TENM4: variants seen among roughly 807,000 people sequenced by gnomAD.
The protein encoded by TENM4 is teneurin transmembrane protein 4, also known as teneurin-4.
A neutral mutation model predicts 243.3 loss-of-function variants in TENM4; 82 were observed. The observed-to-expected ratio is 0.34, with a 90% CI of 0.28 to 0.40. TENM4 has a LOEUF of 0.40. Among genes scored for constraint, TENM4 ranks in the 10% least tolerant of loss-of-function variants. The pLI, the probability that TENM4 is intolerant of heterozygous loss-of-function variation, is 1.00. For missense variants in TENM4, 3,138 were observed against 3,673.3 expected, an observed-to-expected ratio of 0.85 and a Z score of 3.77; for synonymous variants, 1,412 against 1,456.3, an observed-to-expected ratio of 0.97 and a Z score of 0.69.
chr11:78,675,904 C>T (rs1858455976), intron 30 of TENM4, among the ~76,000 whole-genome samples: 1 of 152,278 alleles, frequency 6.6e-6, no homozygotes, highest in African/African-American at 2.4e-5. Context: ...TGTCCAAGCT[C>T]ACTCAGGGAA....
Position 78,672,189 on chromosome 11 carries a change from C to T in TENM4, c.5637G>A (p.Arg1879=). Residue 1879 remains arginine, a synonymous_variant, in exon 31 of 34, where the codon AGG becomes AGA. Coordinates refer to ENST00000278550, the MANE Select transcript of TENM4 (RefSeq NM_001098816.3). ...AGTATGTCACGTTGACACCATTCAG[C>T]CTGCTGCTGGGTGACCAGAGGCTGG... ...GRPSLWSPSS[R]LNGVNVTYSP... 6.2e-7 allele frequency: 1 copy of T among 1,614,018 alleles called. No individual in the cohort carries two copies. The highest frequency in any genetic ancestry group is 1.6e-4 in the Middle Eastern group (1 of 6,062).
In TENM4 at chr11:78,994,732, G is replaced by A. The variant is rs887207658; in HGVS notation, c.493+70006C>T. Among the ~76,000 whole-genome samples, 6 of 152,242 alleles carry A rather than the reference G, an allele frequency of 3.9e-5. No homozygotes were observed. The East Asian group carries it at 5.8e-4, about 15-fold the overall frequency. ...AGACTAGGGAAGATACAGACATAAGGCAATAAATGAAGAGACACCTCTCAG... is the reference window on the plus strand; with the variant it reads ...AGACTAGGGAAGATACAGACATAAGACAATAAATGAAGAGACACCTCTCAG... On this transcript the variant is annotated intron_variant, in intron 6 of 33. Coordinates refer to ENST00000278550, the MANE Select transcript of TENM4 (RefSeq NM_001098816.3).
chr11:79,076,234 C>T (rs2137016471), intron 4 of TENM4: 1 of 152,322 alleles, frequency 6.6e-6, no homozygotes, highest in East Asian at 1.9e-4. Flanking sequence ...CAGTAAAGGA[C>T]AGGGCTGAGA....
intron 18 of TENM4, among the ~76,000 whole-genome samples, chr11:78,770,590 C>A (rs1484032704): frequency 6.6e-6 from 1 of 152,190 alleles, no homozygotes; most frequent in Non-Finnish European, 1.5e-5. Context: ...GGTAACTCAA[C>A]CTCCTTCCCT....
At chr11:79,359,602 AGTCTC>A (rs1857557084) in intron 1 of TENM4, among the ~76,000 whole-genome samples, 1 of 152,190 alleles carries the variant, frequency 6.6e-6, no homozygotes, top group Non-Finnish European at 1.5e-5. Context: ...AAAGCATAAA[AGTCTC>A]ATAAAAATTA....
At position 79,138,430 on chromosome 11, in the gene TENM4, TA is replaced by T. The variant is rs1380366676; in HGVS notation, c.-66+10279del. ...AATAAAATATATATTATATTATATA[TA>T]AATATATATTATATTTATATATAAT... On this transcript the variant is annotated intron_variant, in intron 4 of 33. Transcript: ENST00000278550. Among the ~76,000 whole-genome samples the T allele has an allele frequency of 5.2e-5, 6 of 115,856 alleles. No individual in the cohort carries two copies. In the Admixed American group the frequency reaches 5.6e-4, roughly 11 times the overall value. The allele number at this position is 115,856 out of a possible 152,430, so 76.0% of individuals were successfully genotyped here.
At chr11:79,059,545 A>T (rs1163494458) in intron 6 of TENM4, among the ~76,000 whole-genome samples, 2 of 152,236 alleles carry the variant, frequency 1.3e-5, no homozygotes, top group Non-Finnish European at 2.9e-5. Flanking sequence ...TCACGGCAAC[A>T]CTTCAAGGAA....
chr11:78,957,562 G>C (rs1374830123), intron 6 of TENM4, among the ~76,000 whole-genome samples: 1 of 152,114 alleles, frequency 6.6e-6, no homozygotes, highest in Non-Finnish European at 1.5e-5. Context: ...CATTTAGAAA[G>C]AAAAATAAAC....
At chr11:78,695,220 A>AT (rs879902594) in intron 28 of TENM4, among the ~76,000 whole-genome samples, 103 of 151,220 alleles carry the variant, frequency 6.8e-4, no homozygotes, top group African/African-American at 2.3e-3. Context: ...AGCTAATTAA[A>AT]TTTTTTTTTG....
intron 6 of TENM4, among the ~76,000 whole-genome samples, chr11:78,973,345 T>C (rs939563662): frequency 3.9e-5 from 6 of 152,264 alleles, no homozygotes; most frequent in African/African-American, 1.4e-4. Flanking sequence ...CTTGTTATTA[T>C]CTGACTTTTT....
chr11:78,701,542 A>G lies in TENM4; in HGVS notation c.5071T>C (p.Trp1691Arg). ...AGTACTTACTCATAAAATGTTGTCC[A>G]TCCGTTTTCATTGCTTTTGGTTGCC... ...LLATKSNENGWTTFYEYDSFG... is the reference protein window; with the variant it reads ...LLATKSNENGRTTFYEYDSFG... The change falls in exon 28 of 34, where the codon TGG (tryptophan) becomes CGG (arginine). Residue 1691 changes from tryptophan (W) to arginine (R), a missense_variant. Trp to Arg is a moderately radical substitution (Grantham distance 101). Transcript: ENST00000278550. The G allele has an allele frequency of 6.3e-7, 1 of 1,589,650 alleles. No homozygotes were observed. Among genetic ancestry groups the G allele is most frequent in the Non-Finnish European group, 8.6e-7 (1 of 1,161,852 alleles).
intron 20 of TENM4, among the ~76,000 whole-genome samples, chr11:78,735,853 T>TCCCCA (rs753809957): frequency 1.6e-5 from 1 of 61,564 alleles, no homozygotes; most frequent in East Asian, 4.4e-4. Flanking sequence ...TCCCCTCCCC[T>TCCCCA]CCTCTCCTCT....
intron 2 of TENM4, among the ~76,000 whole-genome samples, chr11:79,247,109 A>G (rs58665079): frequency 0.011 from 1,701 of 151,870 alleles, 35 homozygotes; most frequent in African/African-American, 0.039. Context: ...GGACAGATGG[A>G]ATTCAGTGTA....
intron 2 of TENM4, among the ~76,000 whole-genome samples, chr11:79,262,702 T>G (rs2135328017): frequency 1.3e-5 from 2 of 152,258 alleles, no homozygotes; most frequent in Admixed American, 6.5e-5. Flanking sequence ...GTGTATTAGG[T>G]TTAAAGAACA....
At chr11:78,778,983 G>A (rs1856792699) in intron 16 of TENM4, among the ~76,000 whole-genome samples, 1 of 152,248 alleles carries the variant, frequency 6.6e-6, no homozygotes, top group Non-Finnish European at 1.5e-5. Flanking sequence ...TGGCTTTACG[G>A]AAAACTAGAG....
At chr11:79,111,395 A>G (rs997716659) in intron 4 of TENM4, among the ~76,000 whole-genome samples, 3 of 152,064 alleles carry the variant, frequency 2.0e-5, no homozygotes, top group Non-Finnish European at 4.4e-5. Context: ...AATACAAAAG[A>G]TGAGCTGGGC....
At chr11:79,344,735 A>G (rs1254943125) in intron 1 of TENM4, among the ~76,000 whole-genome samples, 1 of 152,220 alleles carries the variant, frequency 6.6e-6, no homozygotes, top group Non-Finnish European at 1.5e-5. Context: ...AGCAGTGCAA[A>G]GAAGGAAGCA....
chr11:79,313,275 G>A (rs758938238), intron 1 of TENM4, among the ~76,000 whole-genome samples: 2 of 152,132 alleles, frequency 1.3e-5, no homozygotes, highest in South Asian at 4.1e-4. Flanking sequence ...TTGTGCAAAG[G>A]GAGCAGGGCT....
intron 6 of TENM4, among the ~76,000 whole-genome samples, chr11:79,064,251 A>G (rs554380448): frequency 6.6e-6 from 1 of 152,306 alleles, no homozygotes; most frequent in South Asian, 2.1e-4. Flanking sequence ...CTAAACCTCA[A>G]GTTATCCCCA....
Sources: allele counts gnomAD v4.1 joint callset (sites outside exome capture counted in the v4.1 genomes callset), GRCh38; gene constraint gnomAD v4.1.1; transcripts MANE v1.5; gene names NCBI Gene and HGNC (gene_info 2026-07-23, HGNC 2026-07-21).